Variants in CCDC148 observed in about 807,000 individuals in gnomAD.
CCDC148 encodes the protein coiled-coil domain containing 148.
Under a neutral mutation model 85.7 loss-of-function variants are expected in CCDC148, and 89 were observed. The ratio of observed to expected loss-of-function variants is 1.04; its 90% CI spans 0.87 to 1.24. The LOEUF (loss-of-function observed/expected upper bound fraction) is 1.24. Among genes scored for constraint, CCDC148 ranks in the 50% most tolerant of loss-of-function variants. The probability of loss-of-function intolerance (pLI) is 0.00; values close to 1 mark genes in which losing one functional copy is unlikely to be tolerated. For synonymous variants in CCDC148, 230 were observed against 213.9 expected (o/e 1.08, Z -0.66); for missense variants, 692 against 671.7 (o/e 1.03, Z -0.33).
intron 8 of CCDC148, 118 bp from the exon 9 acceptor site, chr2:158,309,757 A>G (rs2105209064): frequency 1.3e-6 from 1 of 779,818 alleles, no homozygotes; most frequent in South Asian, 1.9e-5. Flanking sequence ...AAAACTGGGG[A>G]CAAATATTTA....
intron 10 of CCDC148, among the ~76,000 whole-genome samples, chr2:158,223,718 G>A (rs2105305211): frequency 6.6e-6 from 1 of 152,312 alleles, no homozygotes; most frequent in African/African-American, 2.4e-5. Flanking sequence ...AGGGTCTGGA[G>A]TGGACCTCCA....
At chr2:158,326,123 G>A (rs576432410) in intron 7 of CCDC148, among the ~76,000 whole-genome samples, 1 of 152,042 alleles carries the variant, frequency 6.6e-6, no homozygotes, top group South Asian at 2.1e-4. Context: ...ATACCTCTAT[G>A]ACCCCACCTT....
At chr2:158,390,237 G>T (rs188801954) in intron 1 of CCDC148, among the ~76,000 whole-genome samples, 1 of 152,238 alleles carries the variant, frequency 6.6e-6, no homozygotes, top group East Asian at 1.9e-4. Context: ...CAGGCAAAAA[G>T]CTGGAAGGGG....
rs148076344 is a variant in CCDC148 at position 158,269,472 on chromosome 2, C to T, written c.1111-18560G>A. On this transcript the variant is annotated intron_variant, in intron 9 of 13. Coordinates refer to ENST00000283233, the MANE Select transcript of CCDC148 (RefSeq NM_138803.4). ...GCTCCAGGGTTTCTCTGCCCTCCAA[C>T]CCCCATGTAAAGTGTTTGCAAAAAC... is the stretch of plus-strand genomic sequence containing the variant. Among the ~76,000 whole-genome samples, 728 of 152,244 alleles carry T rather than the reference C, an allele frequency of 4.8e-3. 5 individuals carry two copies. Among genetic ancestry groups the T allele is most frequent in the African/African-American group, 0.017 (693 of 41,546 alleles).
intron 2 of CCDC148, among the ~76,000 whole-genome samples, chr2:158,348,043 C>A (rs1559087646): frequency 1.3e-5 from 2 of 152,026 alleles, no homozygotes; most frequent in South Asian, 2.1e-4. Context: ...AGTGATACAA[C>A]CCCCATAGAA....
intron 8 of CCDC148, among the ~76,000 whole-genome samples, chr2:158,311,311 A>G (rs1331434298): frequency 1.3e-5 from 2 of 152,208 alleles, no homozygotes; most frequent in East Asian, 3.9e-4. Context: ...CTCCACCAAA[A>G]AATACAAGAA....
At chr2:158,173,645 T>C (rs544469139) in intron 13 of CCDC148, among the ~76,000 whole-genome samples, 2 of 151,976 alleles carry the variant, frequency 1.3e-5, no homozygotes, top group Non-Finnish European at 1.5e-5. Context: ...TGGCAGTTGA[T>C]CAGATACAGG....
chr2:158,337,458 T>G (rs1488447862), intron 7 of CCDC148, among the ~76,000 whole-genome samples: 1 of 152,212 alleles, frequency 6.6e-6, no homozygotes, highest in African/African-American at 2.4e-5. Context: ...ACAATGTTCA[T>G]TTAACAATTG....
At chr2:158,268,484 A>T (rs1253015571) in intron 9 of CCDC148, among the ~76,000 whole-genome samples, 2 of 152,164 alleles carry the variant, frequency 1.3e-5, no homozygotes, top group Non-Finnish European at 2.9e-5. Context: ...ACAAAATTAT[A>T]TTAAGGTATA....
At chr2:158,346,091 AT>A (rs1206675902) in intron 2 of CCDC148, among the ~76,000 whole-genome samples, 1 of 152,124 alleles carries the variant, frequency 6.6e-6, no homozygotes, top group Non-Finnish European at 1.5e-5. Context: ...ATAATTAATG[AT>A]TTTGAGTTTC....
intron 1 of CCDC148, among the ~76,000 whole-genome samples, chr2:158,433,086 AAAAAAAT>A (rs1370991461): frequency 3.7e-4 from 36 of 97,516 alleles, no homozygotes; most frequent in African/African-American, 1.0e-3. Context: ...AAAAAAAAAA[AAAAAAAT>A]ATATATATAT....
chr2:158,361,811 A>G (rs953212892), intron 1 of CCDC148, among the ~76,000 whole-genome samples: 1 of 152,186 alleles, frequency 6.6e-6, no homozygotes, highest in African/African-American at 2.4e-5. Flanking sequence ...AAATTCACAC[A>G]TAACAATACT....
chr2:158,212,744 A>G (rs1420648330), intron 11 of CCDC148, among the ~76,000 whole-genome samples: 4 of 152,186 alleles, frequency 2.6e-5, no homozygotes, highest in Non-Finnish European at 5.9e-5. Flanking sequence ...ACACATACAT[A>G]CACATAACTG....
At chr2:158,420,727 G>T (rs1364110918) in intron 1 of CCDC148, among the ~76,000 whole-genome samples, 1 of 151,984 alleles carries the variant, frequency 6.6e-6, no homozygotes, top group Admixed American at 6.6e-5. Flanking sequence ...GATCAAATTT[G>T]CACATAACAA....
At chr2:158,268,285 G>C (rs752660908) in intron 9 of CCDC148, among the ~76,000 whole-genome samples, 1 of 151,938 alleles carries the variant, frequency 6.6e-6, no homozygotes, top group Non-Finnish European at 1.5e-5. Context: ...TGGGGGAGAG[G>C]GGTTGATTTA....
chr2:158,437,590 C>G (rs1156894966), intron 1 of CCDC148, among the ~76,000 whole-genome samples: 1 of 152,180 alleles, frequency 6.6e-6, no homozygotes, highest in Non-Finnish European at 1.5e-5. Context: ...CCCTCTCTCA[C>G]CCCTCCTATT....
intron 7 of CCDC148, among the ~76,000 whole-genome samples, chr2:158,327,678 A>C (rs999394206): frequency 2.0e-5 from 3 of 152,190 alleles, no homozygotes; most frequent in African/African-American, 7.2e-5. Flanking sequence ...ATTCTCCTAA[A>C]TTCAAATTCA....
At chr2:158,223,641 G>A (rs1687324519) in intron 10 of CCDC148, among the ~76,000 whole-genome samples, 2 of 152,140 alleles carry the variant, frequency 1.3e-5, no homozygotes, top group Admixed American at 1.3e-4. Flanking sequence ...GAACGACCAG[G>A]CAGCAACATT....
intron 2 of CCDC148, among the ~76,000 whole-genome samples, chr2:158,352,300 C>A (rs1196930154): frequency 1.3e-5 from 2 of 151,000 alleles, no homozygotes; most frequent in Non-Finnish European, 3.0e-5. Context: ...GACATTCAAA[C>A]CAAAGGGAAA....
Sources: allele counts gnomAD v4.1 joint callset (sites outside exome capture counted in the v4.1 genomes callset), GRCh38; gene constraint gnomAD v4.1.1; transcripts MANE v1.5; gene names NCBI Gene and HGNC (gene_info 2026-07-23, HGNC 2026-07-21).